The following PPP2R2B variants were observed in gnomAD, a reference collection of about 807,000 sequenced individuals.
PPP2R2B encodes serine/threonine-protein phosphatase 2A 55 kDa regulatory subunit B beta isoform.
A neutral mutation model predicts 46.0 loss-of-function variants in PPP2R2B; 5 were observed. That is an observed-to-expected ratio of 0.11 (90% CI 0.06 to 0.23). PPP2R2B has a LOEUF of 0.23. Ranked by LOEUF, PPP2R2B falls within the 10% of genes least tolerant of loss-of-function variation. The pLI, the probability that PPP2R2B is intolerant of heterozygous loss-of-function variation, is 1.00. For synonymous variants in PPP2R2B, 215 were observed against 206.7 expected (o/e 1.04, Z -0.34); for missense variants, 367 against 575.0 (o/e 0.64, Z 3.70).
chr5:146,819,731 G>T (rs895064037), intron 2 of PPP2R2B, among the ~76,000 whole-genome samples: 1 of 151,962 alleles, frequency 6.6e-6, no homozygotes, highest in Admixed American at 6.6e-5. Flanking sequence ...ATTAAAAATA[G>T]AACTACCACA....
intron 5 of PPP2R2B, among the ~76,000 whole-genome samples, chr5:146,680,297 A>C (rs1217443985): frequency 6.6e-6 from 1 of 150,632 alleles, no homozygotes; most frequent in African/African-American, 2.5e-5. Context: ...TCGCAAGAAC[A>C]AAAAACCAAA....
rs139435965 is a variant in PPP2R2B, at chr5:146,826,234, G to C, written c.70+51768C>G. 3.2e-3 allele frequency among the ~76,000 whole-genome samples: 485 copies of C among 152,172 alleles called. 1 individual carries two copies. The highest frequency in any genetic ancestry group is 0.011 in the African/African-American group (464 of 41,524). On this transcript the variant is annotated intron_variant, in intron 2 of 9. Transcript: ENST00000394411. ...TAAATATCCTGCCCAACATAATAAA[G>C]GGTGGCAGAGACAAAACTTGACATC...
intron 2 of PPP2R2B, among the ~76,000 whole-genome samples, chr5:146,861,784 G>A (rs924303546): frequency 6.6e-6 from 1 of 151,132 alleles, no homozygotes; most frequent in African/African-American, 2.4e-5. Flanking sequence ...TTTTATATAA[G>A]AGAAATCATA....
chr5:146,798,089 T>G (rs1756651977), intron 2 of PPP2R2B, among the ~76,000 whole-genome samples: 2 of 152,188 alleles, frequency 1.3e-5, no homozygotes, highest in Non-Finnish European at 2.9e-5. Flanking sequence ...CTTTCCATTT[T>G]TATCCCTAGT....
chr5:146,731,802 C>A (rs1185902163), intron 2 of PPP2R2B, among the ~76,000 whole-genome samples: 2 of 152,184 alleles, frequency 1.3e-5, no homozygotes, highest in Non-Finnish European at 2.9e-5. Flanking sequence ...CAATGTAACA[C>A]AACTGACAAG....
intron 1 of PPP2R2B, among the ~76,000 whole-genome samples, chr5:146,964,562 G>A (rs576233525): frequency 6.6e-6 from 1 of 151,912 alleles, no homozygotes; most frequent in Non-Finnish European, 1.5e-5. Context: ...GTCTTGCTCT[G>A]TCACCCAGAC....
chr5:146,638,196 C>A (rs1774947305), intron 7 of PPP2R2B, 55 bp downstream of exon 7: 1 of 1,567,996 alleles, frequency 6.4e-7, no homozygotes, highest in African/African-American at 1.3e-5. Flanking sequence ...AGGCTCTCCC[C>A]CAGCACATTG....
chr5:146,908,055 T>C (rs898431071), intron 1 of PPP2R2B, among the ~76,000 whole-genome samples: 1 of 152,230 alleles, frequency 6.6e-6, no homozygotes, highest in African/African-American at 2.4e-5. Context: ...TTACATTAAT[T>C]CTCACGTTTT....
chr5:146,643,019 T>A (rs1775320609), intron 6 of PPP2R2B, among the ~76,000 whole-genome samples: 1 of 152,202 alleles, frequency 6.6e-6, no homozygotes, highest in East Asian at 1.9e-4. Flanking sequence ...ATTGTGCCAC[T>A]GCACTCCAGC....
chr5:146,636,522 C>T (rs1198069273), intron 7 of PPP2R2B, among the ~76,000 whole-genome samples: 3 of 152,200 alleles, frequency 2.0e-5, no homozygotes, highest in African/African-American at 4.8e-5. Context: ...GCTGTTTTGC[C>T]TTTGCTGGTA....
At chr5:146,789,790 G>A (rs1756075662) in intron 2 of PPP2R2B, among the ~76,000 whole-genome samples, 1 of 152,168 alleles carries the variant, frequency 6.6e-6, no homozygotes, top group African/African-American at 2.4e-5. Flanking sequence ...TGACAACTGA[G>A]CCTAAATGTG....
chr5:146,609,336 C>A (rs1400296636), intron 7 of PPP2R2B, among the ~76,000 whole-genome samples: 5 of 152,160 alleles, frequency 3.3e-5, no homozygotes, highest in Non-Finnish European at 2.9e-5. Context: ...CAACATAGTA[C>A]TGAAAGTCCT....
chr5:146,759,307 T>C (rs565080146), intron 2 of PPP2R2B, among the ~76,000 whole-genome samples: 1 of 152,342 alleles, frequency 6.6e-6, no homozygotes, highest in Admixed American at 6.5e-5. Context: ...AAAGCTATGA[T>C]AATAAGTAAT....
At chr5:146,968,362 T>C (rs990476519) in intron 1 of PPP2R2B, among the ~76,000 whole-genome samples, 1 of 152,224 alleles carries the variant, frequency 6.6e-6, no homozygotes, top group Admixed American at 6.5e-5. Context: ...ATTTGCTAAG[T>C]ATCACCTCTG....
chr5:146,900,203 A>C (rs1054689297), intron 1 of PPP2R2B, among the ~76,000 whole-genome samples: 2 of 152,192 alleles, frequency 1.3e-5, no homozygotes, highest in African/African-American at 4.8e-5. Flanking sequence ...GACAAGATCC[A>C]CTAATAGGTC....
At chr5:146,837,120 G>A (rs1007756173) in intron 2 of PPP2R2B, among the ~76,000 whole-genome samples, 2 of 152,292 alleles carry the variant, frequency 1.3e-5, no homozygotes, top group East Asian at 3.9e-4. Flanking sequence ...TCAACTTTAC[G>A]ATGATGCAAA....
intron 1 of PPP2R2B, among the ~76,000 whole-genome samples, chr5:146,999,449 A>G (rs1754066505): frequency 6.6e-6 from 1 of 152,122 alleles, no homozygotes; most frequent in Non-Finnish European, 1.5e-5. Context: ...CAAAATATCA[A>G]TACTCAAGGC....
chr5:146,844,787 A>C (rs948731729), intron 2 of PPP2R2B, among the ~76,000 whole-genome samples: 11 of 152,114 alleles, frequency 7.2e-5, no homozygotes, highest in African/African-American at 2.7e-4. Context: ...CAGAACTTTC[A>C]CTACCTTATT....
intron 2 of PPP2R2B, among the ~76,000 whole-genome samples, chr5:146,726,765 C>T (rs1484342136): frequency 1.3e-5 from 2 of 152,094 alleles, no homozygotes; most frequent in Non-Finnish European, 2.9e-5. Flanking sequence ...AAGGATTTCC[C>T]ACAGTCTCTT....
Sources: gnomAD v4.1 joint callset for allele counts (sites outside exome capture counted in the v4.1 genomes callset) on GRCh38, gnomAD v4.1.1 for gene constraint, MANE v1.5 for transcripts, NCBI Gene and HGNC (gene_info 2026-07-23, HGNC 2026-07-21) for gene names.